The following TRHDE variants were observed in gnomAD, a reference collection of about 807,000 sequenced individuals.
The protein encoded by TRHDE is thyrotropin releasing hormone degrading enzyme, also known as thyrotropin-releasing hormone-degrading ectoenzyme.
Under a neutral mutation model 125.7 loss-of-function variants are expected in TRHDE, and 72 were observed. The observed-to-expected ratio is 0.57, with a 90% CI of 0.47 to 0.70. The LOEUF is 0.70. Among genes scored for constraint, TRHDE ranks in the 30% least tolerant of loss-of-function variants. The pLI, the probability that TRHDE is intolerant of heterozygous loss-of-function variation, is 0.00. For missense variants in TRHDE, 1,110 were observed against 1,327.1 expected (o/e 0.84, Z 2.54); for synonymous variants, 509 against 509.1 (o/e 1.00, Z 0.00).
At chr12:72,662,743 A>G (rs1874962318) in intron 18 of TRHDE, among the ~76,000 whole-genome samples, 1 of 152,166 alleles carries the variant, frequency 6.6e-6, no homozygotes, top group African/African-American at 2.4e-5. Context: ...GAAATGATCA[A>G]TTAAATGTCT....
At chr12:72,573,478 C>G (rs992699437) in intron 10 of TRHDE, among the ~76,000 whole-genome samples, 1 of 151,664 alleles carries the variant, frequency 6.6e-6, no homozygotes, top group African/African-American at 2.4e-5. Context: ...AAAAATAGTA[C>G]ATATAAATGT....
intron 2 of TRHDE, among the ~76,000 whole-genome samples, chr12:72,221,264 G>C (rs549405047): frequency 6.6e-6 from 1 of 151,988 alleles, no homozygotes; most frequent in Non-Finnish European, 1.5e-5. Flanking sequence ...AGTAGAAAAT[G>C]CTTAAGAATA....
At chr12:72,422,899 T>C (rs1194938875) in intron 3 of TRHDE, among the ~76,000 whole-genome samples, 8 of 152,224 alleles carry the variant, frequency 5.3e-5, no homozygotes, top group African/African-American at 1.9e-4. Context: ...CTTTCTACTA[T>C]GTAATGACCC....
At chr12:72,426,832 T>A (rs1028030385) in intron 3 of TRHDE, among the ~76,000 whole-genome samples, 1 of 152,104 alleles carries the variant, frequency 6.6e-6, no homozygotes, top group Non-Finnish European at 1.5e-5. Context: ...ACAGAGAAAA[T>A]GACTGCTAAT....
chr12:72,278,368 C>T (rs1009343676), intron 1 of TRHDE, among the ~76,000 whole-genome samples: 26 of 152,070 alleles, frequency 1.7e-4, no homozygotes, highest in Non-Finnish European at 4.4e-5. Context: ...TTCTGTATCT[C>T]GGCTACTGTG....
chr12:72,355,819 A>G (rs1457587009), intron 2 of TRHDE, among the ~76,000 whole-genome samples: 1 of 151,926 alleles, frequency 6.6e-6, no homozygotes, highest in Admixed American at 6.6e-5. Context: ...ATCATTGATC[A>G]TTAGAGAAAT....
At chr12:72,198,847 T>A (rs961359391) in intron 2 of TRHDE, among the ~76,000 whole-genome samples, 1 of 151,982 alleles carries the variant, frequency 6.6e-6, no homozygotes, top group Non-Finnish European at 1.5e-5. Flanking sequence ...GACTCACAGT[T>A]CTGCATGGCT....
chr12:72,104,028 G>A (rs897998681), intron 1 of TRHDE, among the ~76,000 whole-genome samples: 12 of 152,154 alleles, frequency 7.9e-5, no homozygotes, highest in African/African-American at 2.7e-4. Context: ...CCATTGTCTG[G>A]AGGAGTGGTT....
At chr12:72,130,755 T>C (rs891055703) in intron 2 of TRHDE, among the ~76,000 whole-genome samples, 3 of 152,294 alleles carry the variant, frequency 2.0e-5, no homozygotes, top group South Asian at 2.1e-4. Flanking sequence ...GGCTATTAAG[T>C]ACAGGAAATA....
intron 15 of TRHDE, among the ~76,000 whole-genome samples, chr12:72,631,983 A>C (rs1873515449): frequency 6.6e-6 from 1 of 151,966 alleles, no homozygotes. Context: ...TTGATGGATA[A>C]GATAAATCTG....
At chr12:72,485,480 G>C (rs1877360203) in intron 5 of TRHDE, among the ~76,000 whole-genome samples, 1 of 152,098 alleles carries the variant, frequency 6.6e-6, no homozygotes. Context: ...TAGCACTCCA[G>C]CCCCTGGGGA....
intron 2 of TRHDE, among the ~76,000 whole-genome samples, chr12:72,183,919 T>C (rs1233066453): frequency 6.6e-6 from 1 of 152,204 alleles, no homozygotes; most frequent in Non-Finnish European, 1.5e-5. Flanking sequence ...TTATAGTAGA[T>C]GGTACTTTTA....
intron 5 of TRHDE, among the ~76,000 whole-genome samples, chr12:72,482,712 G>A (rs891752955): frequency 2.6e-5 from 4 of 151,840 alleles, no homozygotes; most frequent in African/African-American, 9.7e-5. Context: ...TATTTTATAA[G>A]TTTCCTGATT....
chr12:72,252,770 A>G (rs1277110251), intron 2 of TRHDE, among the ~76,000 whole-genome samples: 4 of 152,098 alleles, frequency 2.6e-5, no homozygotes, highest in South Asian at 2.1e-4. Flanking sequence ...TTGTGACTAT[A>G]GTATGTCTCT....
At chr12:72,225,245 A>G (rs914200188) in intron 2 of TRHDE, among the ~76,000 whole-genome samples, 7 of 152,158 alleles carry the variant, frequency 4.6e-5, no homozygotes, top group Non-Finnish European at 8.8e-5. Flanking sequence ...GCAGAAAGAT[A>G]TTTCTCTCTT....
At chr12:72,454,441 G>A (rs1483748539) in intron 3 of TRHDE, among the ~76,000 whole-genome samples, 2 of 152,118 alleles carry the variant, frequency 1.3e-5, no homozygotes, top group African/African-American at 4.8e-5. Context: ...GAACTAATGA[G>A]AAAGGCAGTG....
intron 6 of TRHDE, among the ~76,000 whole-genome samples, chr12:72,525,437 T>C (rs1457893714): frequency 1.3e-5 from 2 of 152,138 alleles, no homozygotes; most frequent in African/African-American, 4.8e-5. Flanking sequence ...TATTTAATAG[T>C]AATTGGATTA....
At chr12:72,193,810 A>G (rs1026434214) in intron 2 of TRHDE, among the ~76,000 whole-genome samples, 1 of 152,266 alleles carries the variant, frequency 6.6e-6, no homozygotes, top group African/African-American at 2.4e-5. Context: ...TTCTATGGAA[A>G]TTTTCCATTT....
At chr12:72,430,429 A>G (rs772790860) in intron 3 of TRHDE, among the ~76,000 whole-genome samples, 40 of 147,862 alleles carry the variant, frequency 2.7e-4, no homozygotes, top group Admixed American at 5.5e-4. Context: ...ATATACATGT[A>G]TATATATACA....
Sources: allele counts gnomAD v4.1 joint callset (sites outside exome capture counted in the v4.1 genomes callset), GRCh38; gene constraint gnomAD v4.1.1; transcripts MANE v1.5; gene names NCBI Gene and HGNC (gene_info 2026-07-23, HGNC 2026-07-21).